Variants in FANK1 observed in about 807,000 individuals in gnomAD.
FANK1 encodes the protein fibronectin type III and ankyrin repeat domains 1, also known as fibronectin type 3 and ankyrin repeat domains protein 1.
FANK1 carries 44 observed loss-of-function variants against 45.3 expected under a neutral mutation model. That is an observed-to-expected ratio of 0.97 (90% confidence interval 0.76 to 1.25). The LOEUF (loss-of-function observed/expected upper bound fraction) is 1.25, where lower values mean the gene tolerates loss of function less well. Among genes scored for constraint, FANK1 ranks in the 50% most tolerant of loss-of-function variants. FANK1 has a pLI of 0.00. For synonymous variants in FANK1, 149 were observed against 152.5 expected (o/e 0.98, Z 0.17); for missense variants, 391 against 424.4 (o/e 0.92, Z 0.69).
chr10:126,007,682 T>A (rs960514914), intron 7 of FANK1, among the ~76,000 whole-genome samples: 6 of 89,462 alleles, frequency 6.7e-5, no homozygotes, highest in African/African-American at 2.0e-4. Context: ...ATGGTATGCG[T>A]GTGTGCACAC....
intron 1 of FANK1, among the ~76,000 whole-genome samples, chr10:125,942,087 A>G (rs772897903): frequency 7.2e-5 from 11 of 152,218 alleles, no homozygotes; most frequent in Non-Finnish European, 1.5e-4. Context: ...ATGTCATGAT[A>G]ATGATGAAGG....
chr10:125,982,903 G>T (rs1458677345), intron 2 of FANK1, among the ~76,000 whole-genome samples: 5 of 146,812 alleles, frequency 3.4e-5, no homozygotes, highest in African/African-American at 1.3e-4. Flanking sequence ...GATGGAAGGA[G>T]TTGACTTTAT....
chr10:125,927,211 G>T (rs1439298506), intron 1 of FANK1, among the ~76,000 whole-genome samples: 7 of 152,140 alleles, frequency 4.6e-5, no homozygotes, highest in African/African-American at 1.7e-4. Context: ...TGGCTCAAGC[G>T]ATCCTCCCAC....
At chr10:125,954,214 C>T (rs984093334) in intron 1 of FANK1, among the ~76,000 whole-genome samples, 10 of 138,692 alleles carry the variant, frequency 7.2e-5, no homozygotes, top group Admixed American at 2.8e-4. Context: ...ATTTACAGAG[C>T]GGGTAGCAGA....
chr10:125,929,893 T>C (rs144317865), intron 1 of FANK1, among the ~76,000 whole-genome samples: 61 of 152,262 alleles, frequency 4.0e-4, no homozygotes, highest in African/African-American at 1.3e-3. Flanking sequence ...TACAAGGCAA[T>C]TTACGGCATA....
intron 1 of FANK1, among the ~76,000 whole-genome samples, chr10:125,918,588 ATATAT>A (rs1946675578): frequency 2.1e-5 from 2 of 94,114 alleles, no homozygotes; most frequent in African/African-American, 8.5e-5. Context: ...AAAAAAAAAT[ATATAT>A]ATATATATAT....
chr10:125,936,267 G>A (rs1948087941), intron 1 of FANK1, among the ~76,000 whole-genome samples: 1 of 151,832 alleles, frequency 6.6e-6, no homozygotes, highest in Non-Finnish European at 1.5e-5. Context: ...TAGGTATTTA[G>A]TTGAATTTAG....
At chr10:125,948,531 T>G (rs576440171) in intron 1 of FANK1, among the ~76,000 whole-genome samples, 1 of 152,318 alleles carries the variant, frequency 6.6e-6, no homozygotes, top group East Asian at 1.9e-4. Flanking sequence ...GATAAATTCC[T>G]CAACACATAC....
chr10:126,008,110 A>T (rs190326185), intron 7 of FANK1, among the ~76,000 whole-genome samples: 1 of 152,320 alleles, frequency 6.6e-6, no homozygotes, highest in East Asian at 1.9e-4. Context: ...CTAGGTGAGG[A>T]AAGTTAGGCA....
intron 6 of FANK1, among the ~76,000 whole-genome samples, chr10:126,002,726 A>G: frequency 6.9e-6 from 1 of 145,474 alleles, no homozygotes; most frequent in Non-Finnish European, 1.5e-5. Flanking sequence ...CCCCCCACCT[A>G]GGCTTGGCAG....
At chr10:125,999,388 A>G (rs1952591010) in intron 6 of FANK1, among the ~76,000 whole-genome samples, 1 of 151,966 alleles carries the variant, frequency 6.6e-6, no homozygotes, top group Non-Finnish European at 1.5e-5. Context: ...TTTAGTAGAG[A>G]TGGGGTTTCA....
At chr10:125,951,223 AAAACTT>A (rs1949202125) in intron 1 of FANK1, among the ~76,000 whole-genome samples, 1 of 149,336 alleles carries the variant, frequency 6.7e-6, no homozygotes, top group African/African-American at 2.5e-5. Flanking sequence ...CATGTACCCT[AAAACTT>A]AAAGTATAAA....
chr10:125,950,984 A>G lies in FANK1; in HGVS notation c.14-29177A>G, dbSNP rs549554013. Among the ~76,000 whole-genome samples the G allele has an allele frequency of 6.8e-4, 102 of 150,170 alleles. 2 individuals are homozygous for G. The South Asian group carries it at 0.021, about 31-fold the overall frequency. ...TGGAAATCATCATTCTCAGTAAACT[A>G]TCGCAAGAACAAAAAACCAAACACC... On this transcript the variant is annotated intron_variant, in intron 1 of 10. Transcript: ENST00000368693.
intron 1 of FANK1, among the ~76,000 whole-genome samples, chr10:125,927,588 C>T (rs1030619335): frequency 4.6e-5 from 7 of 151,606 alleles, no homozygotes; most frequent in African/African-American, 1.5e-4. Context: ...TCACTCTTGT[C>T]GCCCAAGCTG....
At chr10:125,924,825 A>AAAAAAAAAT (rs1947231539) in intron 1 of FANK1, among the ~76,000 whole-genome samples, 1 of 136,740 alleles carries the variant, frequency 7.3e-6, no homozygotes. Flanking sequence ...AAAAAAAAAA[A>AAAAAAAAAT]AAAGACTATC....
At chr10:125,941,850 GA>G (rs1424531042) in intron 1 of FANK1, among the ~76,000 whole-genome samples, 1 of 152,222 alleles carries the variant, frequency 6.6e-6, no homozygotes, top group Non-Finnish European at 1.5e-5. Flanking sequence ...AAACAATACG[GA>G]AGAATTCATA....
intron 1 of FANK1, among the ~76,000 whole-genome samples, chr10:125,966,954 G>A (rs559739419): frequency 3.9e-5 from 6 of 152,104 alleles, no homozygotes; most frequent in Non-Finnish European, 5.9e-5. Context: ...TTCTGTCTGC[G>A]TGCATCTGTA....
chr10:125,904,909 A>G (rs1277006708), intron 1 of FANK1, among the ~76,000 whole-genome samples: 1 of 151,668 alleles, frequency 6.6e-6, no homozygotes, highest in African/African-American at 2.4e-5. Flanking sequence ...GCGGATCACG[A>G]GGTCAGGAGA....
intron 1 of FANK1, among the ~76,000 whole-genome samples, chr10:125,909,519 C>CT (rs76190291): frequency 1.5e-3 from 206 of 135,710 alleles, no homozygotes; most frequent in East Asian, 7.2e-3. Context: ...TCTTCTTTTT[C>CT]TTTTTTTTTT....
Sources: allele counts gnomAD v4.1 joint callset (sites outside exome capture counted in the v4.1 genomes callset), GRCh38; gene constraint gnomAD v4.1.1; transcripts MANE v1.5; gene names NCBI Gene and HGNC (gene_info 2026-07-23, HGNC 2026-07-21).